SLC7A2: variants seen among roughly 807,000 people sequenced by gnomAD.
SLC7A2 encodes solute carrier family 7 member 2.
In SLC7A2, 48 loss-of-function variants were observed where a neutral mutation model predicts 58.9. The observed-to-expected ratio is 0.82, with a 90% CI of 0.65 to 1.04. The LOEUF is 1.04. SLC7A2 is among the 50% of genes least tolerant of loss of function. The probability of loss-of-function intolerance (pLI) is 0.00; values close to 1 mark genes in which losing one functional copy is unlikely to be tolerated. For missense variants in SLC7A2, 1,029 were observed against 818.8 expected, an observed-to-expected ratio of 1.26 and a Z score of -3.13; for synonymous variants, 363 against 314.5, an observed-to-expected ratio of 1.15 and a Z score of -1.63.
intron 2 of SLC7A2, chr8:17,511,384 T>G (rs904687382): frequency 3.3e-5 from 5 of 152,218 alleles, no homozygotes; most frequent in African/African-American, 1.2e-4. Flanking sequence ...GGAGGAGTTG[T>G]TAAAGAATCA....
chr8:17,519,841 A>T (rs1800943426), intron 2 of SLC7A2, among the ~76,000 whole-genome samples: 1 of 92,198 alleles, frequency 1.1e-5, no homozygotes, highest in Admixed American at 8.8e-5. Context: ...AATATTCTTT[A>T]TGATGTCTCC....
intron 2 of SLC7A2, among the ~76,000 whole-genome samples, chr8:17,536,867 C>CT (rs1801688554): frequency 6.6e-6 from 1 of 152,128 alleles, no homozygotes; most frequent in African/African-American, 2.4e-5. Context: ...AGAGACCACT[C>CT]TAAATAGCTG....
At chr8:17,533,563 A>G (rs184665919) in intron 2 of SLC7A2, among the ~76,000 whole-genome samples, 1 of 152,304 alleles carries the variant, frequency 6.6e-6, no homozygotes, top group Non-Finnish European at 1.5e-5. Context: ...TGAAAGGGAT[A>G]CACTTTGGCT....
intron 5 of SLC7A2, among the ~76,000 whole-genome samples, chr8:17,549,295 G>C (rs1802333381): frequency 6.6e-6 from 1 of 152,182 alleles, no homozygotes; most frequent in Non-Finnish European, 1.5e-5. Context: ...TAGAGCAGTG[G>C]TTCTCAAATT....
intron 2 of SLC7A2, chr8:17,520,717 C>G (rs564162936): frequency 3.7e-6 from 3 of 818,954 alleles, no homozygotes; most frequent in South Asian, 1.2e-4. Context: ...AAAAAAGTTT[C>G]AAGGAGGAGA....
At chr8:17,502,163 A>T (rs138676863) in intron 1 of SLC7A2, 94 bp from the exon 2 acceptor site, 1 of 151,112 alleles carries the variant, frequency 6.6e-6, no homozygotes, top group East Asian at 1.9e-4. Context: ...AGGTGAGAGG[A>T]TCGCTTGAGT....
chr8:17,564,587 C>G (rs894523407), intron 12 of SLC7A2, among the ~76,000 whole-genome samples: 3 of 152,100 alleles, frequency 2.0e-5, no homozygotes, highest in Non-Finnish European at 4.4e-5. Flanking sequence ...CTCAGATCAT[C>G]AGGCATTAGT....
intron 2 of SLC7A2, among the ~76,000 whole-genome samples, chr8:17,514,812 A>G (rs761318898): frequency 4.9e-4 from 74 of 152,218 alleles, no homozygotes; most frequent in Non-Finnish European, 9.6e-4. Context: ...AGTAATGAGC[A>G]TAAAGGCAGT....
chr8:17,562,495 G>A (rs572761522), intron 11 of SLC7A2, among the ~76,000 whole-genome samples: 47 of 151,984 alleles, frequency 3.1e-4, no homozygotes, highest in Admixed American at 8.5e-4. Flanking sequence ...GTGAGCCACC[G>A]TGCCCTGCTT....
chr8:17,527,689 T>C (rs985232941), intron 2 of SLC7A2, among the ~76,000 whole-genome samples: 5 of 152,142 alleles, frequency 3.3e-5, no homozygotes, highest in African/African-American at 4.8e-5. Context: ...AATTTCTGCC[T>C]CTGTCATCAC....
At chr8:17,522,671 C>T (rs1422809232) in intron 2 of SLC7A2, among the ~76,000 whole-genome samples, 3 of 152,090 alleles carry the variant, frequency 2.0e-5, no homozygotes, top group Non-Finnish European at 4.4e-5. Context: ...CTGAAGCATA[C>T]TAGGGTCAAA....
At chr8:17,550,268 G>T (rs760495661) in intron 5 of SLC7A2, 33 bp from the exon 6 acceptor site, 8 of 1,605,052 alleles carry the variant, frequency 5.0e-6, no homozygotes, top group Non-Finnish European at 6.8e-6. Context: ...TTCTGTCAAA[G>T]TGACTTTCCA....
chr8:17,507,671 CAT>C (rs1800428217), intron 2 of SLC7A2, among the ~76,000 whole-genome samples: 1 of 152,082 alleles, frequency 6.6e-6, no homozygotes. Context: ...ACAATTATTA[CAT>C]GTCAGTGAAA....
intron 2 of SLC7A2, among the ~76,000 whole-genome samples, chr8:17,535,076 G>C (rs1440312446): frequency 6.6e-6 from 1 of 152,086 alleles, no homozygotes; most frequent in East Asian, 1.9e-4. Context: ...CAGTCAGAAT[G>C]ATGTTTCTCA....
At chr8:17,541,252 T>C (rs975690321) in intron 2 of SLC7A2, among the ~76,000 whole-genome samples, 3 of 152,204 alleles carry the variant, frequency 2.0e-5, no homozygotes, top group South Asian at 2.1e-4. Context: ...GCTTCTCAAT[T>C]CTTTTTAAGC....
chr8:17,507,249 T>A (rs1418367763), intron 2 of SLC7A2, among the ~76,000 whole-genome samples: 1 of 152,190 alleles, frequency 6.6e-6, no homozygotes, highest in Non-Finnish European at 1.5e-5. Flanking sequence ...CTGGCCTATG[T>A]GGAATTTTTA....
At chr8:17,509,552 C>A (rs930712638) in intron 2 of SLC7A2, among the ~76,000 whole-genome samples, 16 of 152,070 alleles carry the variant, frequency 1.1e-4, no homozygotes, top group Admixed American at 1.0e-3. Context: ...GTAATCCACC[C>A]GCCTTGGCCT....
At chr8:17,507,147 A>C (rs140483446) in intron 2 of SLC7A2, among the ~76,000 whole-genome samples, 1 of 151,884 alleles carries the variant, frequency 6.6e-6, no homozygotes, top group Non-Finnish European at 1.5e-5. Flanking sequence ...GGGTTTTACT[A>C]TGTTGGCCAG....
chr8:17,495,046 A>G (rs962522014), upstream of SLC7A2, among the ~76,000 whole-genome samples: 13 of 152,258 alleles, frequency 8.5e-5, no homozygotes, highest in Admixed American at 8.5e-4. Context: ...CTTAATCACA[A>G]ATTAAACAGA....
Sources: allele counts gnomAD v4.1 joint callset (sites outside exome capture counted in the v4.1 genomes callset), GRCh38; gene constraint gnomAD v4.1.1; transcripts MANE v1.5; gene names NCBI Gene and HGNC (gene_info 2026-07-23, HGNC 2026-07-21).